The following FNBP1 variants were observed in gnomAD, a reference collection of about 807,000 sequenced individuals.
The protein encoded by FNBP1 is formin binding protein 1, also known as formin-binding protein 1.
Under a neutral mutation model 90.6 loss-of-function variants are expected in FNBP1, and 26 were observed. The observed-to-expected ratio is 0.29, with a 90% CI of 0.21 to 0.40. FNBP1 has a LOEUF of 0.40. FNBP1 is among the 10% of genes least tolerant of loss of function. The probability of loss-of-function intolerance (pLI) is 1.00; values close to 1 mark genes in which losing one functional copy is unlikely to be tolerated. For missense variants in FNBP1, 635 were observed against 768.0 expected (o/e 0.83, Z 2.05); for synonymous variants, 260 against 265.2 (o/e 0.98, Z 0.19).
chr9:130,019,435 A>C (rs1230442053), intron 1 of FNBP1, among the ~76,000 whole-genome samples: 2 of 152,226 alleles, frequency 1.3e-5, no homozygotes, highest in African/African-American at 2.4e-5. Context: ...TTATAGGTTC[A>C]ATAGTGATGT....
intron 11 of FNBP1, among the ~76,000 whole-genome samples, chr9:129,912,794 C>G (rs2131621015): frequency 6.6e-6 from 1 of 151,980 alleles, no homozygotes; most frequent in East Asian, 1.9e-4. Flanking sequence ...ACAGAACTTT[C>G]TACAGTGATG....
At chr9:129,905,177 C>CT (rs1236449542) in intron 12 of FNBP1, among the ~76,000 whole-genome samples, 2 of 151,544 alleles carry the variant, frequency 1.3e-5, no homozygotes, top group East Asian at 3.9e-4. Flanking sequence ...TATCCATTAT[C>CT]TTTAGCTTCT....
In FNBP1 at chr9:129,929,677, T is replaced by G; in HGVS notation, c.532A>C (p.Ile178Leu). 6.2e-7 allele frequency: 1 copy of G among 1,614,020 alleles called. No homozygotes were observed. Among genetic ancestry groups the G allele is most frequent in the Non-Finnish European group, 8.5e-7 (1 of 1,179,874 alleles). Residue 178 changes from isoleucine (I) to leucine (L), a missense_variant, in exon 7 of 17, where the codon ATA (isoleucine) becomes CTA (leucine). Physicochemically the swap from Ile to Leu is conservative, Grantham distance 5. Coordinates refer to ENST00000446176, the MANE Select transcript of FNBP1 (RefSeq NM_015033.3). The part of the protein sequence containing the change: ...DVEKARQQAQ[I>L]RHQMAEDSKA... Reference sequence around the variant, plus strand: ...CTGTCCTCTGCCATTTGGTGACGTATTTGAGCTTGTTGTCGGGCCTTAGGG... The same window carrying G: ...CTGTCCTCTGCCATTTGGTGACGTAGTTGAGCTTGTTGTCGGGCCTTAGGG...
intron 16 of FNBP1, among the ~76,000 whole-genome samples, chr9:129,892,418 A>C (rs963660850): frequency 9.3e-6 from 1 of 107,610 alleles, no homozygotes; most frequent in African/African-American, 4.0e-5. Flanking sequence ...CACACACACA[A>C]AAAGGTTGAC....
intron 1 of FNBP1, among the ~76,000 whole-genome samples, chr9:130,003,550 TGAGCC>T (rs559141903): frequency 1.3e-4 from 19 of 151,842 alleles, no homozygotes; most frequent in African/African-American, 4.6e-4. Flanking sequence ...GAGGCTGCAG[TGAGCC>T]GAGATTTCAT....
At chr9:129,906,443 G>C (rs1189399396) in intron 12 of FNBP1, among the ~76,000 whole-genome samples, 2 of 152,072 alleles carry the variant, frequency 1.3e-5, no homozygotes, top group Non-Finnish European at 2.9e-5. Context: ...ATTGAATCAT[G>C]GGGGCGGTTT....
chr9:130,042,813 GCCTCCTCC>G lies in FNBP1; in HGVS notation c.24+131_24+138del. ...GGCGGACGAGGGGCATTGGAACCCC[GCCTCCTCC>G]CCAGGCCGCGAGGACCCCGACCAGC... is the stretch of plus-strand genomic sequence containing the variant. On this transcript the variant is annotated intron_variant, in intron 1 of 16. Coordinates refer to ENST00000446176, the MANE Select transcript of FNBP1 (RefSeq NM_015033.3). This position sits in a 1 kb window ranked among gnomAD's most constrained non-coding sequence, Gnocchi z 5.5. The G allele has an allele frequency of 2.1e-6, 1 of 481,482 alleles. No homozygotes were observed. Among genetic ancestry groups the G allele is most frequent in the Non-Finnish European group, 3.2e-6 (1 of 310,414 alleles). The allele number at this position is 481,482 out of a possible 1,614,324, so 29.8% of individuals were successfully genotyped here.
chr9:129,896,749 G>A (rs959850042), intron 15 of FNBP1, among the ~76,000 whole-genome samples: 13 of 151,538 alleles, frequency 8.6e-5, no homozygotes, highest in African/African-American at 1.5e-4. Context: ...CTCCTGCCTC[G>A]GCCTCCCGAG....
At chr9:129,993,491 A>AG (rs574937078) in intron 2 of FNBP1, among the ~76,000 whole-genome samples, 3 of 150,306 alleles carry the variant, frequency 2.0e-5, no homozygotes, top group African/African-American at 4.9e-5. Flanking sequence ...AAAAAAAAAA[A>AG]AAAACAGAGA....
chr9:129,951,742 G>C (rs1292237302), intron 6 of FNBP1, among the ~76,000 whole-genome samples: 2 of 151,978 alleles, frequency 1.3e-5, no homozygotes, highest in Admixed American at 6.6e-5. Flanking sequence ...ACTATACCCA[G>C]CTTTATATGA....
intron 6 of FNBP1, among the ~76,000 whole-genome samples, chr9:129,951,778 G>A (rs561076297): frequency 6.6e-6 from 1 of 152,022 alleles, no homozygotes; most frequent in Non-Finnish European, 1.5e-5. Flanking sequence ...AATTATTTTA[G>A]TATAACCCAG....
At chr9:129,952,788 C>T (rs60541956) in intron 6 of FNBP1, among the ~76,000 whole-genome samples, 1 of 152,056 alleles carries the variant, frequency 6.6e-6, no homozygotes, top group Non-Finnish European at 1.5e-5. Context: ...GTAAAATAGA[C>T]AGAACATCAA....
rs540818629 is a variant in FNBP1 at position 129,995,367 on chromosome 9, CG to C, written c.25-410del. ...AGCTGATTGAATCTGAGCCGAGGAA[CG>C]GGGGGAAGTGTTACAAAATTTTGCT... is the stretch of plus-strand genomic sequence containing the variant. On this transcript the variant is annotated intron_variant, in intron 1 of 16. Coordinates refer to ENST00000446176, the MANE Select transcript of FNBP1 (RefSeq NM_015033.3). 2.6e-5 allele frequency among the ~76,000 whole-genome samples: 4 copies of C among 152,080 alleles called. No homozygotes were observed. The South Asian group carries it at 6.2e-4, about 24-fold the overall frequency.
Position 129,908,770 on chromosome 9 carries a change from C to T in FNBP1, c.1295+120G>A, listed in dbSNP as rs561522324. ...GTTTCACCATGTAGGCCAGGATGGT[C>T]TTGATCTCTTGACCTCAGGTGATCC... On this transcript the variant is annotated intron_variant, in intron 12 of 16. Coordinates refer to ENST00000446176, the MANE Select transcript of FNBP1 (RefSeq NM_015033.3). 5.0e-5 allele frequency: 32 copies of T among 642,392 alleles called. No individual in the cohort carries two copies. In the African/African-American group the frequency reaches 5.1e-4, roughly 10 times the overall value. The allele number at this position is 642,392 out of a possible 1,614,324, so 39.8% of individuals were successfully genotyped here. A position where few individuals can be genotyped will look rare whatever the true frequency, so the allele number is the denominator to read the frequency against.
At chr9:129,944,665 T>C (rs1382978073) in intron 6 of FNBP1, among the ~76,000 whole-genome samples, 1 of 152,066 alleles carries the variant, frequency 6.6e-6, no homozygotes, top group Non-Finnish European at 1.5e-5. Context: ...CAATTGCAGT[T>C]CAAAAATAGG....
rs746151685 is a variant in FNBP1 at position 129,979,381 on chromosome 9, T to TA, written c.141-8dup. The TA allele has an allele frequency of 1.3e-6, 2 of 1,590,318 alleles. No individual in the cohort carries two copies. Among genetic ancestry groups the TA allele is most frequent in the Non-Finnish European group, 8.6e-7 (1 of 1,159,932 alleles). On this transcript the variant is annotated splice_region_variant and splice_polypyrimidine_tract_variant and intron_variant, in intron 2 of 16. Transcript: ENST00000446176. ...GTACTTCTTTGAAAGATTCCTGAAATAAAAATGCAGACATGTCAGCTTTAT... is the reference window on the plus strand; with the variant it reads ...GTACTTCTTTGAAAGATTCCTGAAATAAAAAATGCAGACATGTCAGCTTTAT...
intron 6 of FNBP1, among the ~76,000 whole-genome samples, chr9:129,948,636 G>A (rs1350838749): frequency 6.6e-6 from 1 of 151,940 alleles, no homozygotes; most frequent in African/African-American, 2.4e-5. Flanking sequence ...TCCACTTCCT[G>A]GGTTCAAGCG....
intron 2 of FNBP1, among the ~76,000 whole-genome samples, chr9:129,987,753 G>C (rs1438346553): frequency 6.6e-6 from 1 of 151,826 alleles, no homozygotes; most frequent in South Asian, 2.1e-4. Flanking sequence ...TGCCCACCTC[G>C]GCCTCCCAAA....
intron 4 of FNBP1, among the ~76,000 whole-genome samples, chr9:129,975,214 G>A (rs141025830): frequency 3.3e-5 from 5 of 152,154 alleles, no homozygotes; most frequent in African/African-American, 7.2e-5. Flanking sequence ...GCGAGACTCC[G>A]TCTCAAACAA....
Sources: allele counts gnomAD v4.1 joint callset (sites outside exome capture counted in the v4.1 genomes callset), GRCh38; gene constraint gnomAD v4.1.1; non-coding constraint Gnocchi (gnomAD v3.1); transcripts MANE v1.5; gene names NCBI Gene and HGNC (gene_info 2026-07-23, HGNC 2026-07-21).